Variants in CACNB4 observed in about 807,000 individuals in gnomAD.
CACNB4 encodes voltage-dependent L-type calcium channel subunit beta-4.
A neutral mutation model predicts 71.2 loss-of-function variants in CACNB4; 32 were observed. That is an observed-to-expected ratio of 0.45 (90% CI 0.34 to 0.60). CACNB4 has a LOEUF of 0.60. Ranked by LOEUF, CACNB4 falls within the 20% of genes least tolerant of loss-of-function variation. The pLI is 0.01. For missense variants in CACNB4, 464 were observed against 647.9 expected, an observed-to-expected ratio of 0.72 and a Z score of 3.08; for synonymous variants, 231 against 236.9, an observed-to-expected ratio of 0.97 and a Z score of 0.23.
chr2:151,959,112 T>G (rs554209625), intron 2 of CACNB4, among the ~76,000 whole-genome samples: 1 of 152,332 alleles, frequency 6.6e-6, no homozygotes, highest in East Asian at 1.9e-4. Context: ...GATTAGAGAA[T>G]CTCAGAAGTC....
intron 2 of CACNB4, among the ~76,000 whole-genome samples, chr2:152,022,155 C>T (rs1344003120): frequency 6.6e-6 from 1 of 152,188 alleles, no homozygotes; most frequent in African/African-American, 2.4e-5. Flanking sequence ...TTACTTGCAT[C>T]TCTCCCCTTC....
chr2:152,062,609 C>T (rs1686080670), intron 2 of CACNB4, among the ~76,000 whole-genome samples: 2 of 152,304 alleles, frequency 1.3e-5, no homozygotes, highest in South Asian at 4.2e-4. Flanking sequence ...ATCACCTCCC[C>T]ATCTCAATAG....
At chr2:151,878,817 G>A (rs1055285686) in intron 4 of CACNB4, among the ~76,000 whole-genome samples, 2 of 150,516 alleles carry the variant, frequency 1.3e-5, no homozygotes, top group African/African-American at 4.9e-5. Flanking sequence ...AGGCTGAGGT[G>A]GGAGGATCAC....
At chr2:151,991,650 T>G (rs1416378517) in intron 2 of CACNB4, among the ~76,000 whole-genome samples, 5 of 152,194 alleles carry the variant, frequency 3.3e-5, no homozygotes, top group African/African-American at 1.2e-4. Context: ...AATGTCTTCT[T>G]TTTCTTAACA....
intron 2 of CACNB4, chr2:151,967,393 C>T (rs1278480886): frequency 6.6e-6 from 1 of 151,974 alleles, no homozygotes; most frequent in African/African-American, 2.4e-5. Context: ...TATACTACAA[C>T]ATTTTTTCAT....
intron 3 of CACNB4, chr2:151,882,962 G>A (rs141913356): frequency 4.9e-6 from 2 of 407,382 alleles, no homozygotes; most frequent in Admixed American, 3.7e-5. Context: ...GGTGCCTGGG[G>A]GGCTGTCTGC....
chr2:151,875,847 T>C (rs2099846012), intron 5 of CACNB4, among the ~76,000 whole-genome samples: 1 of 138,646 alleles, frequency 7.2e-6, no homozygotes. Flanking sequence ...GGCGGGGGGC[T>C]GACCCCCCCA....
intron 2 of CACNB4, among the ~76,000 whole-genome samples, chr2:152,071,082 T>C (rs983166995): frequency 3.9e-5 from 6 of 152,248 alleles, no homozygotes; most frequent in Non-Finnish European, 8.8e-5. Flanking sequence ...TATTCATACA[T>C]GCTTAATCAC....
At chr2:152,050,247 T>G (rs1159410778) in intron 2 of CACNB4, among the ~76,000 whole-genome samples, 1 of 152,212 alleles carries the variant, frequency 6.6e-6, no homozygotes, top group African/African-American at 2.4e-5. Context: ...CACTTTGCCT[T>G]CCATCCTTTT....
intron 2 of CACNB4, among the ~76,000 whole-genome samples, chr2:151,903,442 C>T (rs1167147977): frequency 1.3e-5 from 2 of 152,194 alleles, no homozygotes; most frequent in African/African-American, 2.4e-5. Context: ...TCACTTGAAC[C>T]CAAGAGGTGG....
intron 2 of CACNB4, among the ~76,000 whole-genome samples, chr2:151,889,667 A>G (rs1346186438): frequency 6.6e-6 from 1 of 152,130 alleles, no homozygotes; most frequent in Admixed American, 6.5e-5. Flanking sequence ...ATGAGTGAAT[A>G]TAACTCACTC....
At chr2:152,056,729 C>A (rs1252350421) in intron 2 of CACNB4, among the ~76,000 whole-genome samples, 1 of 152,140 alleles carries the variant, frequency 6.6e-6, no homozygotes, top group East Asian at 1.9e-4. Context: ...CTGCTTGCAC[C>A]ACAACTCCAC....
chr2:152,095,306 T>G (rs1455957625), intron 2 of CACNB4, among the ~76,000 whole-genome samples: 1 of 152,168 alleles, frequency 6.6e-6, no homozygotes, highest in Non-Finnish European at 1.5e-5. Flanking sequence ...CATGCACACA[T>G]ATGTGCATAT....
At chr2:152,002,963 A>G (rs550109209) in intron 2 of CACNB4, among the ~76,000 whole-genome samples, 2 of 152,344 alleles carry the variant, frequency 1.3e-5, no homozygotes, top group East Asian at 1.9e-4. Context: ...GAGAGCCCCA[A>G]TTAGGTTCTG....
At chr2:151,953,524 G>C (rs1560060241) in intron 2 of CACNB4, among the ~76,000 whole-genome samples, 1 of 152,172 alleles carries the variant, frequency 6.6e-6, no homozygotes, top group Admixed American at 6.5e-5. Context: ...GAAAATGTGT[G>C]ACAAAAATAT....
At chr2:152,024,560 T>C (rs1443050241) in intron 2 of CACNB4, among the ~76,000 whole-genome samples, 1 of 152,234 alleles carries the variant, frequency 6.6e-6, no homozygotes, top group Non-Finnish European at 1.5e-5. Context: ...ATGTATTACT[T>C]TGGCTTTGAA....
intron 2 of CACNB4, among the ~76,000 whole-genome samples, chr2:152,067,727 T>C (rs563046526): frequency 6.9e-4 from 105 of 152,200 alleles, no homozygotes; most frequent in African/African-American, 2.5e-3. Flanking sequence ...TGGTGGTAAG[T>C]AGGATAGCAA....
intron 2 of CACNB4, among the ~76,000 whole-genome samples, chr2:151,904,080 G>A (rs189853103): frequency 1.0e-3 from 152 of 152,254 alleles, no homozygotes; most frequent in African/African-American, 3.3e-3. Flanking sequence ...TCAGAGTTGC[G>A]TTCAATAGAG....
intron 2 of CACNB4, among the ~76,000 whole-genome samples, chr2:151,930,717 G>A (rs892230882): frequency 6.6e-6 from 1 of 151,998 alleles, no homozygotes; most frequent in Non-Finnish European, 1.5e-5. Flanking sequence ...TACTGAAAAG[G>A]AAAAGTTCCA....
Sources: allele counts gnomAD v4.1 joint callset (sites outside exome capture counted in the v4.1 genomes callset), GRCh38; gene constraint gnomAD v4.1.1; transcripts MANE v1.5; gene names NCBI Gene and HGNC (gene_info 2026-07-23, HGNC 2026-07-21).